KNDC1: variants seen among roughly 807,000 people sequenced by gnomAD.
The protein encoded by KNDC1 is kinase non-catalytic C-lobe domain-containing protein 1.
Under a neutral mutation model 172.8 loss-of-function variants are expected in KNDC1, and 106 were observed. The observed-to-expected ratio is 0.61, with a 90% CI of 0.52 to 0.72. The LOEUF is 0.72. Ranked by LOEUF, KNDC1 falls within the 30% of genes least tolerant of loss-of-function variation. KNDC1 has a pLI of 0.00. For synonymous variants in KNDC1, 1,083 were observed against 1,062.2 expected (o/e 1.02, Z -0.38); for missense variants, 2,325 against 2,394.5 (o/e 0.97, Z 0.61).
intron 15 of KNDC1, 71 bp from the exon 16 acceptor site, chr10:133,200,304 C>A: frequency 8.2e-7 from 1 of 1,218,370 alleles, no homozygotes; most frequent in Admixed American, 2.9e-5. Context: ...GCCTGTGGGC[C>A]CCGCCCTGTG....
intron 26 of KNDC1, among the ~76,000 whole-genome samples, chr10:133,218,127 A>G (rs1032308119): frequency 1.3e-5 from 2 of 151,430 alleles, no homozygotes; most frequent in African/African-American, 4.9e-5. Context: ...CTTGGTTTCC[A>G]CCAAAGGATG....
At position 133,211,452 on chromosome 10, in the gene KNDC1, C is replaced by T; in HGVS notation, c.3939C>T (p.Thr1313=). 1 of 1,613,810 alleles carries T rather than the reference C, an allele frequency of 6.2e-7. No individual in the cohort carries two copies. The highest frequency in any genetic ancestry group is 8.5e-7 in the Non-Finnish European group (1 of 1,179,850). ...RAHQDPTSTF[T]KIYRRSLCVL... is the part of the protein sequence containing the mutation. ...ACCAGGACCCCACCTCGACCTTCAC[C>T]AAGATCTACAGGCGGAGCCTCTGCG... Residue 1313 remains threonine (T), a synonymous_variant, in exon 22 of 30, where the codon ACC becomes ACT. Transcript: ENST00000304613.
rs141625741 is a variant in KNDC1, at chr10:133,214,119, C to T, written c.4674C>T (p.Ser1558=). 306 of 1,613,848 alleles carry T rather than the reference C, an allele frequency of 1.9e-4. No homozygotes were observed. Among genetic ancestry groups the T allele is most frequent in the Non-Finnish European group, 2.4e-4 (288 of 1,179,986 alleles). The change falls in exon 26 of 30, where the codon TCC becomes TCT. Residue 1558 remains serine, a synonymous_variant. Coordinates refer to ENST00000304613, the MANE Select transcript of KNDC1 (RefSeq NM_152643.8). The part of the protein sequence containing the change: ...VAAEIVTSHT[S]KLQVNLLSKF... ...CAGAGATTGTGACCAGCCACACCTC[C>T]AAGGTGGGCACCCTACAGTTCCGAG...
At chr10:133,204,681 A>C (rs1854474261) in intron 17 of KNDC1, among the ~76,000 whole-genome samples, 1 of 152,224 alleles carries the variant, frequency 6.6e-6, no homozygotes, top group Non-Finnish European at 1.5e-5. Context: ...ATTTTGCAAA[A>C]AACATTCAAA....
In KNDC1 at chr10:133,167,371, G is replaced by C; in HGVS notation, c.103-10G>C. ...CCTGCCGGGCTCACGGCCAGGGCCGGTCTTGGCAGGAGAACGTGTCTCTGG... is the reference window on the plus strand; with the variant it reads ...CCTGCCGGGCTCACGGCCAGGGCCGCTCTTGGCAGGAGAACGTGTCTCTGG... On this transcript the variant is annotated splice_polypyrimidine_tract_variant and intron_variant, in intron 1 of 29. Coordinates refer to ENST00000304613, the MANE Select transcript of KNDC1 (RefSeq NM_152643.8). 2 of 1,567,562 alleles carry C rather than the reference G, an allele frequency of 1.3e-6. No individual in the cohort carries two copies. The highest frequency in any genetic ancestry group is 1.7e-6 in the Non-Finnish European group (2 of 1,156,794).
chr10:133,177,551 C>T (rs1019340739), intron 3 of KNDC1, among the ~76,000 whole-genome samples: 3 of 151,388 alleles, frequency 2.0e-5, no homozygotes, highest in Admixed American at 6.6e-5. Context: ...GTCATGAGCA[C>T]GTGTGTTGCA....
At chr10:133,205,648 T>A (rs1475648443) in intron 17 of KNDC1, among the ~76,000 whole-genome samples, 1 of 152,202 alleles carries the variant, frequency 6.6e-6, no homozygotes, top group African/African-American at 2.4e-5. Context: ...CCAGCTGGAA[T>A]CCGCATCATT....
Position 133,188,765 on chromosome 10 carries a change from C to A in KNDC1, c.1441+112C>A. On this transcript the variant is annotated intron_variant, in intron 7 of 29. Coordinates refer to ENST00000304613, the MANE Select transcript of KNDC1 (RefSeq NM_152643.8). Reference sequence around the variant, plus strand: ...CCCACCCCCCACACCGTCCCACGCCCCCCCACTGTCCCATCACCCCTGCCG... The same window carrying A: ...CCCACCCCCCACACCGTCCCACGCCACCCCACTGTCCCATCACCCCTGCCG... 1.0e-5 allele frequency: 6 copies of A among 586,466 alleles called. No homozygotes were observed. The South Asian group carries it at 1.1e-4, about 11-fold the overall frequency. 36.3% of individuals were successfully genotyped at this position (586,466 alleles called of 1,614,324 possible).
chr10:133,209,830 T>G lies in KNDC1; in HGVS notation c.3795-781T>G, dbSNP rs1198031129. ...GGCCACGCCATCTCCTGCCTGAGAC[T>G]CCTCCAGGGTGGGAGGAGGCCTTGC... On this transcript the variant is annotated intron_variant, in intron 20 of 29. Coordinates refer to ENST00000304613, the MANE Select transcript of KNDC1 (RefSeq NM_152643.8). The surrounding 1 kb of genome is among the most constrained non-coding windows in gnomAD (Gnocchi z 4.9). Among the ~76,000 whole-genome samples, 4 of 151,984 alleles carry G rather than the reference T, an allele frequency of 2.6e-5. No individual in the cohort carries two copies. The highest frequency in any genetic ancestry group is 7.3e-5 in the African/African-American group (3 of 41,370).
chr10:133,207,229 C>A lies in KNDC1; in HGVS notation c.3672C>A (p.Ser1224Arg), dbSNP rs1845223902. 5 of 1,612,710 alleles carry A rather than the reference C, an allele frequency of 3.1e-6. No homozygotes were observed. The highest frequency in any genetic ancestry group is 4.2e-6 in the Non-Finnish European group (5 of 1,179,948). The change falls in exon 20 of 30, where the codon AGC becomes AGA. Residue 1224 changes from serine to arginine, a missense_variant. By Grantham distance (110) the Ser-to-Arg change is moderately radical. Coordinates refer to ENST00000304613, the MANE Select transcript of KNDC1 (RefSeq NM_152643.8). ...AAAPCDTLDF[S>R]PLDESSSLIF... is the part of the protein sequence containing the mutation. ...CACCCTGCGACACGCTGGACTTCAG[C>A]CCCCTGGACGAGTCCTCCTCGCTCA...
chr10:133,212,813 T>C lies in KNDC1; in HGVS notation c.4334T>C (p.Phe1445Ser). 6.2e-7 allele frequency: 1 copy of C among 1,613,944 alleles called. No homozygotes were observed. Among genetic ancestry groups the C allele is most frequent in the Non-Finnish European group, 8.5e-7 (1 of 1,179,940 alleles). Residue 1445 changes from phenylalanine to serine, a missense_variant, in exon 24 of 30, where the codon TTC becomes TCC. Coordinates refer to ENST00000304613, the MANE Select transcript of KNDC1 (RefSeq NM_152643.8). ...GCTGCCGCCCTGCCCAAGCCCTGCT[T>C]CCTCGAGGACTTCTACGGCCCCTGC... ...TIAAALPKPC[F>S]LEDFYGPCAK...
In KNDC1 at chr10:133,160,455, G is replaced by C; in HGVS notation, c.-13G>C. The C allele has an allele frequency of 6.6e-7, 1 of 1,507,162 alleles. No homozygotes were observed. The highest frequency in any genetic ancestry group is 8.9e-7 in the Non-Finnish European group (1 of 1,126,776). 93.4% of individuals were successfully genotyped at this position (1,507,162 alleles called of 1,614,324 possible). The stretch of plus-strand genomic sequence containing the variant: ...CCGGAGGCCCCGGGGGCGGTGCGCG[G>C]CGCGGCCGCAGGATGCAGGCCATGG... On this transcript the variant is annotated 5_prime_UTR_variant, in exon 1 of 30. Transcript: ENST00000304613.
Position 133,168,269 on chromosome 10 carries a change from C to T in KNDC1, c.317C>T (p.Ala106Val), listed in dbSNP as rs142102440. 7.2e-5 allele frequency: 116 copies of T among 1,614,142 alleles called. No homozygotes were observed. The highest frequency in any genetic ancestry group is 9.4e-5 in the Non-Finnish European group (111 of 1,180,014). ...CCTCCCCAAGACGACCCTGAGGGTGCCTTCGTTCCCCCCGAGTTCGACGTG... is the reference window on the plus strand; with the variant it reads ...CCTCCCCAAGACGACCCTGAGGGTGTCTTCGTTCCCCCCGAGTTCGACGTG... The part of the protein sequence containing the change: ...MEQLSDDPEG[A>V]FVPPEFDVTG... The change falls in exon 3 of 30, where the codon GCC becomes GTC. Residue 106 changes from alanine to valine, a missense_variant. Coordinates refer to ENST00000304613, the MANE Select transcript of KNDC1 (RefSeq NM_152643.8).
chr10:133,186,739 C>A, intron 6 of KNDC1, 65 bp downstream of exon 6: 1 of 1,155,888 alleles, frequency 8.7e-7, no homozygotes, highest in Non-Finnish European at 1.2e-6. Context: ...GGCCGGGCCT[C>A]TCCACAGATG....
intron 3 of KNDC1, among the ~76,000 whole-genome samples, chr10:133,182,971 CGGTGTGGGCACAGGCG>C (rs1853765708): frequency 7.0e-6 from 1 of 142,476 alleles, no homozygotes; most frequent in Non-Finnish European, 1.5e-5. Flanking sequence ...TGGGCACAGG[CGGTGTGGGCACAGGCG>C]GCGTGGGCAC....
At chr10:133,199,849 G>A (rs1232506299) in intron 15 of KNDC1, among the ~76,000 whole-genome samples, 1 of 152,178 alleles carries the variant, frequency 6.6e-6, no homozygotes, top group Non-Finnish European at 1.5e-5. Context: ...GGCTTTCAGA[G>A]AATATGAGGC....
At chr10:133,176,191 G>T (rs1415010599) in intron 3 of KNDC1, among the ~76,000 whole-genome samples, 2 of 151,980 alleles carry the variant, frequency 1.3e-5, no homozygotes, top group East Asian at 3.9e-4. Flanking sequence ...TAGATGGGTG[G>T]GTGGATGTGT....
intron 5 of KNDC1, among the ~76,000 whole-genome samples, chr10:133,185,678 T>TCCCA (rs1853878139): frequency 6.6e-6 from 1 of 150,704 alleles, no homozygotes; most frequent in South Asian, 2.1e-4. Context: ...AGGTCCAGGC[T>TCCCA]CCCATAGGAA....
At chr10:133,210,860 G>A in intron 21 of KNDC1, 136 bp downstream of exon 21, 1 of 761,506 alleles carries the variant, frequency 1.3e-6, no homozygotes, top group Admixed American at 1.9e-5. Flanking sequence ...AGGGAAGCCT[G>A]GCTGGAGGTC....
Sources: allele counts gnomAD v4.1 joint callset (sites outside exome capture counted in the v4.1 genomes callset), GRCh38; gene constraint gnomAD v4.1.1; non-coding constraint Gnocchi (gnomAD v3.1); transcripts MANE v1.5; gene names NCBI Gene and HGNC (gene_info 2026-07-23, HGNC 2026-07-21).